SLC22A8: variants seen among roughly 807,000 people sequenced by gnomAD.
SLC22A8 encodes solute carrier family 22 member 8.
A neutral mutation model predicts 48.4 loss-of-function variants in SLC22A8; 40 were observed. That is an observed-to-expected ratio of 0.83 (90% CI 0.64 to 1.08). SLC22A8 has a LOEUF of 1.08. Ranked by LOEUF, SLC22A8 falls within the 50% of genes least tolerant of loss-of-function variation. SLC22A8 has a pLI of 0.00. For missense variants in SLC22A8, 606 were observed against 699.0 expected (o/e 0.87, Z 1.50); for synonymous variants, 268 against 286.3 (o/e 0.94, Z 0.65).
rs888010597 is a variant in SLC22A8 at position 62,998,941 on chromosome 11, G to A, written c.741C>T (p.Phe247=). 19 of 1,610,986 alleles carry A rather than the reference G, an allele frequency of 1.2e-5. No individual in the cohort carries two copies. The highest frequency in any genetic ancestry group is 1.7e-5 in the Admixed American group (1 of 59,922). The change falls in exon 5 of 11, where the codon TTC becomes TTT. Residue 247 remains phenylalanine (F), a synonymous_variant. Transcript: ENST00000336232. ...CATACCAGGATGATAGGAAGAAGACGAAGAAGGGAATGGACACAGTTAACT... is the reference window on the plus strand; with the variant it reads ...CATACCAGGATGATAGGAAGAAGACAAAGAAGGGAATGGACACAGTTAACT... ...WLQLTVSIPF[F]VFFLSSWWTP...
At chr11:63,008,568 T>C (rs1221009722) in intron 2 of SLC22A8, among the ~76,000 whole-genome samples, 1 of 152,108 alleles carries the variant, frequency 6.6e-6, no homozygotes, top group Non-Finnish European at 1.5e-5. Flanking sequence ...TACCCACAGG[T>C]ACCTAGTACC....
At chr11:63,010,232 G>A (rs529483350) in intron 2 of SLC22A8, among the ~76,000 whole-genome samples, 3 of 152,158 alleles carry the variant, frequency 2.0e-5, no homozygotes, top group Non-Finnish European at 4.4e-5. Context: ...AGACTTCTAG[G>A]GATCATGATA....
chr11:62,996,190 T>C, intron 5 of SLC22A8, 38 bp from the exon 6 acceptor site: 1 of 1,552,930 alleles, frequency 6.4e-7, no homozygotes, highest in South Asian at 1.2e-5. Context: ...CTCCTCCCAC[T>C]CCAGAGCCCC....
rs1386476594 is a variant in SLC22A8, at chr11:63,015,766, A to T, written c.-63T>A. ...TCTGGATCCGATGGGGCTGGTGATCAGTGTAGTTGAGGTCCCTGCTCTGTC... is the reference window on the plus strand; with the variant it reads ...TCTGGATCCGATGGGGCTGGTGATCTGTGTAGTTGAGGTCCCTGCTCTGTC... On this transcript the variant is annotated 5_prime_UTR_variant, in exon 1 of 11. Transcript: ENST00000336232. 6.6e-6 allele frequency: 1 copy of T among 152,402 alleles called. No individual in the cohort carries two copies. The highest frequency in any genetic ancestry group is 1.5e-5 in the Non-Finnish European group (1 of 68,194). The allele number at this position is 152,402 out of a possible 1,614,324, so 9.4% of individuals were successfully genotyped here.
intron 2 of SLC22A8, among the ~76,000 whole-genome samples, chr11:63,010,858 G>C (rs2086611388): frequency 1.3e-5 from 2 of 152,198 alleles, no homozygotes; most frequent in African/African-American, 4.8e-5. Flanking sequence ...TCTCCGTCTG[G>C]CCTTTCTAGA....
rs759268064 is a variant in SLC22A8, at chr11:62,998,954, G to A, written c.728C>T (p.Ser243Phe). ...TAGGAAGAAGACGAAGAAGGGAATG[G>A]ACACAGTTAACTGCAGCCAACGCCA... ...PQWRWLQLTV[S>F]IPFFVFFLSS... The change falls in exon 5 of 11, where the codon TCC becomes TTC. Residue 243 changes from serine (S) to phenylalanine (F), a missense_variant. Physicochemically the swap from Ser to Phe is radical, Grantham distance 155. Transcript: ENST00000336232. 3 of 1,613,556 alleles carry A rather than the reference G, an allele frequency of 1.9e-6. No individual in the cohort carries two copies. The highest frequency in any genetic ancestry group is 2.5e-6 in the Non-Finnish European group (3 of 1,179,520).
intron 5 of SLC22A8, 87 bp from the exon 6 acceptor site, chr11:62,996,239 G>C: frequency 2.9e-6 from 4 of 1,356,860 alleles, no homozygotes; most frequent in Non-Finnish European, 4.0e-6. Flanking sequence ...CCAGGGCCAA[G>C]GGGTAGGAGG....
At position 62,993,311 on chromosome 11, in the gene SLC22A8, G is replaced by C; in HGVS notation, c.1555C>G (p.Gln519Glu). The change falls in exon 11 of 11, where the codon CAG (glutamine) becomes GAG (glutamate). Residue 519 changes from glutamine to glutamate, a missense_variant. Physicochemically the swap from Gln to Glu is conservative, Grantham distance 29. Coordinates refer to ENST00000336232, the MANE Select transcript of SLC22A8 (RefSeq NM_004254.4). ...GAGGCCTTTTCCACCTCTGGCTCCT[G>C]CTTTGGCTTCTTTGCCCGCAGGGAC... The part of the protein sequence containing the change: ...NWSLRAKKPK[Q>E]EPEVEKASQR... 1 of 1,613,956 alleles carries C rather than the reference G, an allele frequency of 6.2e-7. No individual in the cohort carries two copies. The highest frequency in any genetic ancestry group is 8.5e-7 in the Non-Finnish European group (1 of 1,179,948).
chr11:63,012,146 C>T (rs1294702415), intron 2 of SLC22A8, among the ~76,000 whole-genome samples: 3 of 152,050 alleles, frequency 2.0e-5, no homozygotes, highest in African/African-American at 7.2e-5. Flanking sequence ...TGCACCACCA[C>T]ACCTTGCTAA....
chr11:63,003,839 C>A (rs376069832), intron 2 of SLC22A8, among the ~76,000 whole-genome samples: 24 of 152,256 alleles, frequency 1.6e-4, no homozygotes, highest in African/African-American at 5.8e-4. Flanking sequence ...TGCTGTCAGT[C>A]TGGGTCCCTG....
chr11:62,995,494 C>T, intron 7 of SLC22A8: 1 of 581,242 alleles, frequency 1.7e-6, no homozygotes, highest in Non-Finnish European at 3.1e-6. Flanking sequence ...ATTGTGACCC[C>T]AGAGGGAAGC....
At chr11:63,015,294 C>T (rs974447455) in intron 1 of SLC22A8, among the ~76,000 whole-genome samples, 18 of 152,170 alleles carry the variant, frequency 1.2e-4, no homozygotes, top group African/African-American at 3.1e-4. Context: ...GACACAGCTG[C>T]GTGAGCTCGG....
Position 62,993,249 on chromosome 11 carries a change from C to T in SLC22A8, c.1617G>A (p.Leu539=). The change falls in exon 11 of 11, where the codon CTG becomes CTA. Residue 539 remains leucine, a synonymous_variant. Transcript: ENST00000336232. ...GGTTCCGTTGTCCTCAGCTGGAGCC[C>T]AGGCCTGGTCCGTGAGGCTGTAGAG... ...RIPLQPHGPG[L]GSS The T allele has an allele frequency of 6.2e-7, 1 of 1,612,266 alleles. No individual in the cohort carries two copies. The highest frequency in any genetic ancestry group is 2.2e-5 in the East Asian group (1 of 44,860).
chr11:63,005,672 TC>T lies in SLC22A8; in HGVS notation c.334-4850del, dbSNP rs147804937. On this transcript the variant is annotated intron_variant, in intron 2 of 10. Coordinates refer to ENST00000336232, the MANE Select transcript of SLC22A8 (RefSeq NM_004254.4). Reference sequence around the variant, plus strand: ...AGAGAGACACATGGGGATGTTATGATCCACAGAGGCAGAGATTGGACTGATG... The same window carrying T: ...AGAGAGACACATGGGGATGTTATGATCACAGAGGCAGAGATTGGACTGATG... Among the ~76,000 whole-genome samples, 1,312 of 152,284 alleles carry T rather than the reference TC, an allele frequency of 8.6e-3. 17 individuals are homozygous for T. Among genetic ancestry groups the T allele is most frequent in the African/African-American group, 0.03 (1,242 of 41,566 alleles).
At chr11:63,004,071 T>A (rs980089678) in intron 2 of SLC22A8, among the ~76,000 whole-genome samples, 1 of 152,196 alleles carries the variant, frequency 6.6e-6, no homozygotes, top group Non-Finnish European at 1.5e-5. Flanking sequence ...AATAATCTGT[T>A]TGGATCATGA....
At chr11:62,999,173 C>A in intron 4 of SLC22A8, 84 bp from the exon 5 acceptor site, 1 of 1,221,926 alleles carries the variant, frequency 8.2e-7, no homozygotes, top group East Asian at 2.4e-5. Context: ...TTCTGCATCC[C>A]CACGGCTACT....
chr11:63,002,470 G>T (rs540263931), intron 2 of SLC22A8, among the ~76,000 whole-genome samples: 1 of 151,998 alleles, frequency 6.6e-6, no homozygotes, highest in African/African-American at 2.4e-5. Flanking sequence ...ATCTCAAAAC[G>T]TATTCCACCC....
In SLC22A8 at chr11:62,993,826, G is replaced by A; in HGVS notation, c.1269C>T (p.Ser423=). Residue 423 remains serine (S), a synonymous_variant, in exon 9 of 11, where the codon TCC becomes TCT. Transcript: ENST00000336232. The part of the protein sequence containing the change: ...VLAVFGKGCL[S]SSFSCLFLYT... ...AGAGGAAGAGGCAGCTGAAGGAGCT[G>A]GATAGGCATCCCTTCCCAAACACAG... 1 of 1,613,942 alleles carries A rather than the reference G, an allele frequency of 6.2e-7. No homozygotes were observed. The highest frequency in any genetic ancestry group is 8.5e-7 in the Non-Finnish European group (1 of 1,179,824).
At position 62,994,710 on chromosome 11, in the gene SLC22A8, C is replaced by G; in HGVS notation, c.1048G>C (p.Glu350Gln). ...AYYSLAMGVE[E>Q]FGVNLYILQI... Reference sequence around the variant, plus strand: ...AGGATGTAGAGGTTGACTCCAAATTCTTCCACACCCATAGCCAAACTATAG... The same window carrying G: ...AGGATGTAGAGGTTGACTCCAAATTGTTCCACACCCATAGCCAAACTATAG... The change falls in exon 8 of 11, where the codon GAA becomes CAA. Residue 350 changes from glutamate to glutamine, a missense_variant. By Grantham distance (29) the Glu-to-Gln change is conservative. Transcript: ENST00000336232. The G allele has an allele frequency of 6.2e-7, 1 of 1,614,254 alleles. No homozygotes were observed. The highest frequency in any genetic ancestry group is 8.5e-7 in the Non-Finnish European group (1 of 1,180,046).
Sources: gnomAD v4.1 joint callset for allele counts (sites outside exome capture counted in the v4.1 genomes callset) on GRCh38, gnomAD v4.1.1 for gene constraint, MANE v1.5 for transcripts, NCBI Gene and HGNC (gene_info 2026-07-23, HGNC 2026-07-21) for gene names.